The following SCAMP5 variants were observed in gnomAD, a reference collection of about 807,000 sequenced individuals.
The protein encoded by SCAMP5 is secretory carrier membrane protein 5.
A neutral mutation model predicts 28.3 loss-of-function variants in SCAMP5; 7 were observed. The ratio of observed to expected loss-of-function variants is 0.25; its 90% CI spans 0.14 to 0.46. SCAMP5 has a LOEUF of 0.46. Ranked by LOEUF, SCAMP5 falls within the 20% of genes least tolerant of loss-of-function variation. SCAMP5 has a pLI of 0.99. For missense variants in SCAMP5, 192 were observed against 312.5 expected, an observed-to-expected ratio of 0.61 and a Z score of 2.91; for synonymous variants, 117 against 116.4, an observed-to-expected ratio of 1.00 and a Z score of -0.03.
In SCAMP5 at chr15:75,016,259, C is replaced by T. The variant is rs2065858380; in HGVS notation, c.137-334C>T. 2.0e-5 allele frequency among the ~76,000 whole-genome samples: 3 copies of T among 152,074 alleles called. No individual in the cohort carries two copies. In the South Asian group the frequency reaches 6.2e-4, roughly 32 times the overall value. On this transcript the variant is annotated intron_variant, in intron 3 of 6. Transcript: ENST00000425597. ...AGCTCTGGGTTCTGGAGGCTGTGCT[C>T]TCCAGATTTCTCAGGAGTGGGTGCT...
At chr15:75,011,122 C>G (rs1197453229) in intron 1 of SCAMP5, among the ~76,000 whole-genome samples, 1 of 152,056 alleles carries the variant, frequency 6.6e-6, no homozygotes, top group Non-Finnish European at 1.5e-5. Context: ...GGAGGATCAC[C>G]TGAGCCTGGG....
intron 1 of SCAMP5, among the ~76,000 whole-genome samples, chr15:74,998,922 G>A (rs1374846822): frequency 6.6e-6 from 1 of 152,174 alleles, no homozygotes; most frequent in Non-Finnish European, 1.5e-5. Context: ...ACAGGGGTTA[G>A]GCTGGAGCCC....
chr15:75,008,652 A>G (rs1287298469), intron 1 of SCAMP5, among the ~76,000 whole-genome samples: 1 of 152,074 alleles, frequency 6.6e-6, no homozygotes, highest in East Asian at 1.9e-4. Context: ...GGCTTATGCC[A>G]TCATGCCTGG....
intron 1 of SCAMP5, among the ~76,000 whole-genome samples, chr15:75,008,503 T>C (rs1289357014): frequency 7.0e-6 from 1 of 142,158 alleles, no homozygotes; most frequent in Non-Finnish European, 1.5e-5. Flanking sequence ...TCTTTATTCT[T>C]TTTTTTTTTT....
rs1174536939 is a variant in SCAMP5, at chr15:75,021,075, C to T, written c.*2092C>T. On this transcript the variant is annotated 3_prime_UTR_variant, in exon 7 of 7. Transcript: ENST00000425597. ...CAGCTCCCTGCCTAGCATCCATGAC[C>T]TGTTGGATGTTACCTCCAATCAGTT... 1 of 152,304 alleles carries T rather than the reference C, an allele frequency of 6.6e-6. No homozygotes were observed. Among genetic ancestry groups the T allele is most frequent in the Non-Finnish European group, 1.5e-5 (1 of 68,138 alleles). The allele number at this position is 152,304 out of a possible 1,614,324, so 9.4% of individuals were successfully genotyped here.
intron 1 of SCAMP5, among the ~76,000 whole-genome samples, chr15:75,003,998 G>T (rs1325396858): frequency 6.6e-6 from 1 of 151,970 alleles, no homozygotes; most frequent in Non-Finnish European, 1.5e-5. Flanking sequence ...TCCGCTTCCG[G>T]GGTTCAAGCG....
chr15:75,013,985 T>C (rs2065837576), intron 3 of SCAMP5, among the ~76,000 whole-genome samples: 1 of 151,674 alleles, frequency 6.6e-6, no homozygotes, highest in Non-Finnish European at 1.5e-5. Context: ...TTGGCTGTGC[T>C]GAGGCTAGTT....
intron 3 of SCAMP5, chr15:75,013,096 T>G (rs2065827450): frequency 2.7e-6 from 1 of 370,832 alleles, no homozygotes; most frequent in Non-Finnish European, 4.9e-6. Flanking sequence ...CTCTCTGCAG[T>G]GTAATCCCTG....
At chr15:75,013,499 G>A (rs1393915324) in intron 3 of SCAMP5, among the ~76,000 whole-genome samples, 1 of 152,122 alleles carries the variant, frequency 6.6e-6, no homozygotes, top group Non-Finnish European at 1.5e-5. Flanking sequence ...AGGAGTTTAA[G>A]ACCAGCCTAG....
At chr15:75,015,449 C>CGG (rs2065849643) in intron 3 of SCAMP5, among the ~76,000 whole-genome samples, 9 of 147,648 alleles carry the variant, frequency 6.1e-5, no homozygotes, top group African/African-American at 2.1e-4. Context: ...GAGGTGGGGA[C>CGG]AGAGGGGGGG....
rs1235414394 is a variant in SCAMP5, at chr15:75,018,815, G to C, written c.540G>C (p.Gly180=). Residue 180 remains glycine, a synonymous_variant, in exon 7 of 7, where the codon GGG becomes GGC. Coordinates refer to ENST00000425597, the MANE Select transcript of SCAMP5 (RefSeq NM_138967.4). This position sits in a 1 kb window ranked among gnomAD's most constrained non-coding sequence, Gnocchi z 5.6. ...SMVHKFYRGS[G]GSFSKAQEEW... is the part of the protein sequence containing the mutation. ...TTCATAAATTTTACCGGGGAAGTGG[G>C]GGGAGTTTCAGCAAAGCTCAGGAGG... The C allele has an allele frequency of 1.9e-6, 3 of 1,605,418 alleles. No individual in the cohort carries two copies. The highest frequency in any genetic ancestry group is 4.5e-5 in the East Asian group (2 of 44,850).
In SCAMP5 at chr15:75,019,182, A is replaced by C; in HGVS notation, c.*199A>C. ...CCACCTTTCAGATTCTGCTCTTGGCACTCAGCTGTGGGCTGCACGTGGAGC... is the reference window on the plus strand; with the variant it reads ...CCACCTTTCAGATTCTGCTCTTGGCCCTCAGCTGTGGGCTGCACGTGGAGC... On this transcript the variant is annotated 3_prime_UTR_variant, in exon 7 of 7. Coordinates refer to ENST00000425597, the MANE Select transcript of SCAMP5 (RefSeq NM_138967.4). 2.5e-6 allele frequency: 1 copy of C among 392,310 alleles called. No homozygotes were observed. The highest frequency in any genetic ancestry group is 4.4e-6 in the Non-Finnish European group (1 of 226,262). 24.3% of individuals were successfully genotyped at this position (392,310 alleles called of 1,614,324 possible). A position where few individuals can be genotyped will look rare whatever the true frequency, so the allele number is the denominator to read the frequency against.
Position 75,017,979 on chromosome 15 carries a change from G to A in SCAMP5, c.395+8G>A. On this transcript the variant is annotated splice_region_variant and intron_variant, in intron 5 of 6. Coordinates refer to ENST00000425597, the MANE Select transcript of SCAMP5 (RefSeq NM_138967.4). ...CCCAGGCTGGGGCGTCTGGTAAGAG[G>A]CAGGGGTGTGGCCTGGGGCTGGCAG... 6.3e-7 allele frequency: 1 copy of A among 1,586,156 alleles called. No individual in the cohort carries two copies.
chr15:74,999,266 C>G (rs192757079), intron 1 of SCAMP5, among the ~76,000 whole-genome samples: 2 of 152,294 alleles, frequency 1.3e-5, no homozygotes, highest in East Asian at 3.9e-4. Flanking sequence ...TTGCCTCTTC[C>G]GTGTTCTTTC....
chr15:75,018,874 T>C lies in SCAMP5; in HGVS notation c.599T>C (p.Val200Ala). ...WTTGAWKNPHVQQAAQNAAMG... is the reference protein window; with the variant it reads ...WTTGAWKNPHAQQAAQNAAMG... ...ACAGGGGCCTGGAAGAATCCACATG[T>C]GCAGCAGGCAGCCCAGAACGCAGCC... The change falls in exon 7 of 7, where the codon GTG becomes GCG. Residue 200 changes from valine (V) to alanine (A), a missense_variant. Coordinates refer to ENST00000425597, the MANE Select transcript of SCAMP5 (RefSeq NM_138967.4). This position sits in a 1 kb window ranked among gnomAD's most constrained non-coding sequence, Gnocchi z 5.6. The C allele has an allele frequency of 1.3e-6, 2 of 1,593,208 alleles. No homozygotes were observed. Among genetic ancestry groups the C allele is most frequent in the Non-Finnish European group, 1.7e-6 (2 of 1,174,502 alleles).
intron 1 of SCAMP5, 32 bp from the exon 2 acceptor site, chr15:75,011,760 C>G: frequency 6.8e-6 from 9 of 1,329,852 alleles, no homozygotes; most frequent in Admixed American, 1.7e-5. Context: ...TGGCCCTGAT[C>G]TCATCCTTCT....
intron 1 of SCAMP5, among the ~76,000 whole-genome samples, chr15:75,000,597 G>A (rs1274978006): frequency 6.6e-6 from 1 of 151,414 alleles, no homozygotes; most frequent in Non-Finnish European, 1.5e-5. Context: ...TGTTAGCCAG[G>A]ATGGTCTCAA....
intron 4 of SCAMP5, 28 bp downstream of exon 4, chr15:75,016,777 C>G: frequency 6.3e-7 from 1 of 1,586,232 alleles, no homozygotes; most frequent in Non-Finnish European, 8.6e-7. Flanking sequence ...TCCGCAGTGC[C>G]TAGCCGTCTC....
chr15:75,008,939 T>C (rs1409448002), intron 1 of SCAMP5, among the ~76,000 whole-genome samples: 1 of 152,246 alleles, frequency 6.6e-6, no homozygotes, highest in East Asian at 1.9e-4. Context: ...ATTTCTTATA[T>C]CTGGGTAAAT....
Sources: gnomAD v4.1 joint callset for allele counts (sites outside exome capture counted in the v4.1 genomes callset) on GRCh38, gnomAD v4.1.1 for gene constraint, Gnocchi (gnomAD v3.1) non-coding constraint, MANE v1.5 for transcripts, NCBI Gene and HGNC (gene_info 2026-07-23, HGNC 2026-07-21) for gene names.